Variants in RHBDD1 observed in about 807,000 individuals in gnomAD.
RHBDD1 encodes the protein rhomboid-related protein 4.
RHBDD1 carries 38 observed loss-of-function variants against 36.3 expected under a neutral mutation model. The observed-to-expected ratio is 1.05, with a 90% CI of 0.81 to 1.37. The LOEUF (loss-of-function observed/expected upper bound fraction) is 1.37, where lower values mean the gene tolerates loss of function less well. Ranked by LOEUF, RHBDD1 falls within the 40% of genes most tolerant of loss-of-function variation. The pLI is 0.00. For missense variants in RHBDD1, 393 were observed against 377.6 expected (o/e 1.04, Z -0.34); for synonymous variants, 151 against 136.5 (o/e 1.11, Z -0.74).
chr2:226,866,645 C>G (rs1944373270), intron 4 of RHBDD1, among the ~76,000 whole-genome samples: 1 of 152,130 alleles, frequency 6.6e-6, no homozygotes, highest in African/African-American at 2.4e-5. Flanking sequence ...ATTAGGCGTT[C>G]TAAATATTAG....
chr2:226,883,837 C>T (rs760268836), intron 5 of RHBDD1, among the ~76,000 whole-genome samples: 1 of 152,110 alleles, frequency 6.6e-6, no homozygotes, highest in Non-Finnish European at 1.5e-5. Context: ...AATTGAGGAG[C>T]TCTGTTAACT....
At chr2:226,990,233 TAAC>T (rs1422752774) in intron 8 of RHBDD1, among the ~76,000 whole-genome samples, 1 of 152,182 alleles carries the variant, frequency 6.6e-6, no homozygotes, top group African/African-American at 2.4e-5. Flanking sequence ...GTAAATGACT[TAAC>T]AACCATCCTT....
At chr2:226,834,932 T>C (rs1478824294), upstream of RHBDD1, among the ~76,000 whole-genome samples, 1 of 152,108 alleles carries the variant, frequency 6.6e-6, no homozygotes, top group East Asian at 1.9e-4. Context: ...CCCGCAACCA[T>C]GCCTGGCTAA....
At chr2:226,938,740 G>C (rs1419777868) in intron 8 of RHBDD1, among the ~76,000 whole-genome samples, 1 of 149,376 alleles carries the variant, frequency 6.7e-6, no homozygotes, top group Admixed American at 6.6e-5. Context: ...ACAAAAAAAT[G>C]AAAGAAAAAA....
chr2:226,932,829 A>G (rs933555331), intron 8 of RHBDD1, among the ~76,000 whole-genome samples: 1 of 151,964 alleles, frequency 6.6e-6, no homozygotes, highest in Non-Finnish European at 1.5e-5. Context: ...TTCCCTTCTT[A>G]AAGTTGCCAT....
the RHBDD1 span, among the ~76,000 whole-genome samples, chr2:226,819,703 TTCAATGG>T: frequency 6.6e-6 from 1 of 152,260 alleles, no homozygotes; most frequent in Non-Finnish European, 1.5e-5. Context: ...CCCAAGAATA[TTCAATGG>T]TCAATATTCC....
chr2:226,861,211 T>C (rs945531732), intron 3 of RHBDD1, among the ~76,000 whole-genome samples: 2 of 151,964 alleles, frequency 1.3e-5, no homozygotes, highest in Non-Finnish European at 2.9e-5. Context: ...ATTACAAAAA[T>C]CATTAAAGTG....
At chr2:226,962,460 C>G (rs557721379) in intron 8 of RHBDD1, among the ~76,000 whole-genome samples, 1 of 152,314 alleles carries the variant, frequency 6.6e-6, no homozygotes, top group Non-Finnish European at 1.5e-5. Flanking sequence ...AAAGGAGACC[C>G]ATTCATAAAT....
At chr2:226,864,130 G>A (rs139265710) in intron 3 of RHBDD1, among the ~76,000 whole-genome samples, 90 of 152,202 alleles carry the variant, frequency 5.9e-4, no homozygotes, top group African/African-American at 2.1e-3. Flanking sequence ...TAAAGATAAT[G>A]TATGCTCGTG....
the RHBDD1 span, among the ~76,000 whole-genome samples, chr2:226,827,055 C>A: frequency 6.6e-6 from 1 of 152,122 alleles, no homozygotes; most frequent in Non-Finnish European, 1.5e-5. Flanking sequence ...GCCTCCTGGG[C>A]TCAAGCAATT....
chr2:226,831,531 G>C (rs1283731493), upstream of RHBDD1, among the ~76,000 whole-genome samples: 1 of 152,138 alleles, frequency 6.6e-6, no homozygotes, highest in Non-Finnish European at 1.5e-5. Flanking sequence ...TAAAACCAAG[G>C]AGCACCAAGA....
At chr2:226,973,190 T>A (rs550754501) in intron 8 of RHBDD1, among the ~76,000 whole-genome samples, 5 of 152,352 alleles carry the variant, frequency 3.3e-5, no homozygotes, top group Middle Eastern at 3.4e-3. Flanking sequence ...GTGTTGATTG[T>A]CCTTAAATGA....
At position 226,999,039 on chromosome 2, in the gene RHBDD1, C is replaced by T. The variant is rs1026029536; in HGVS notation, c.*3517C>T. On this transcript the variant is annotated 3_prime_UTR_variant, in exon 9 of 9. Transcript: ENST00000392062. ...CACAACCACATCTACACAGTTTCCA[C>T]ATACCACTTGGAATTGCTGGTTATG... 2.6e-5 allele frequency: 4 copies of T among 152,276 alleles called. No homozygotes were observed. Among genetic ancestry groups the T allele is most frequent in the African/African-American group, 9.6e-5 (4 of 41,472 alleles). 9.4% of individuals were successfully genotyped at this position (152,276 alleles called of 1,614,324 possible).
chr2:226,879,692 T>C (rs913254429), intron 5 of RHBDD1, among the ~76,000 whole-genome samples: 1 of 152,208 alleles, frequency 6.6e-6, no homozygotes, highest in African/African-American at 2.4e-5. Context: ...TCTGACAGCT[T>C]GGTAGAAAAT....
chr2:226,978,045 G>C (rs1954910918), intron 8 of RHBDD1, among the ~76,000 whole-genome samples: 1 of 152,182 alleles, frequency 6.6e-6, no homozygotes, highest in African/African-American at 2.4e-5. Flanking sequence ...TGTTGGTGTA[G>C]TGTCCTCACT....
In RHBDD1 at chr2:226,906,746, A is replaced by G. The variant is rs748626597; in HGVS notation, c.567-47A>G. ...GCTAATGAGAAGACAGAATGTCTCT[A>G]ATCAGCAGCAGAACAAACACTCACA... On this transcript the variant is annotated intron_variant, in intron 5 of 8. Coordinates refer to ENST00000392062, the MANE Select transcript of RHBDD1 (RefSeq NM_001167608.3). 9 of 1,613,700 alleles carry G rather than the reference A, an allele frequency of 5.6e-6. No individual in the cohort carries two copies. The South Asian group carries it at 9.9e-5, about 18-fold the overall frequency.
At chr2:226,908,995 T>G (rs1159584789) in intron 7 of RHBDD1, 117 bp downstream of exon 7, 1 of 671,496 alleles carries the variant, frequency 1.5e-6, no homozygotes, top group Non-Finnish European at 2.6e-6. Flanking sequence ...ATTCACATGT[T>G]GTGTAACTGT....
chr2:226,954,773 G>A (rs952250874), intron 8 of RHBDD1, among the ~76,000 whole-genome samples: 1 of 152,088 alleles, frequency 6.6e-6, no homozygotes, highest in Non-Finnish European at 1.5e-5. Flanking sequence ...AACTAGGGAG[G>A]TGAAGGTTCA....
intron 5 of RHBDD1, among the ~76,000 whole-genome samples, chr2:226,869,557 G>GA (rs1387995792): frequency 2.0e-5 from 3 of 152,064 alleles, no homozygotes; most frequent in East Asian, 1.9e-4. Flanking sequence ...CCTTCGGGAG[G>GA]AAAAAAAATC....
Sources: allele counts gnomAD v4.1 joint callset (sites outside exome capture counted in the v4.1 genomes callset), GRCh38; gene constraint gnomAD v4.1.1; transcripts MANE v1.5; gene names NCBI Gene and HGNC (gene_info 2026-07-23, HGNC 2026-07-21).